MACROD2: variants seen among roughly 807,000 people sequenced by gnomAD.
MACROD2 encodes the protein ADP-ribose glycohydrolase MACROD2.
Under a neutral mutation model 70.4 loss-of-function variants are expected in MACROD2, and 36 were observed. That is an observed-to-expected ratio of 0.51 (90% CI 0.39 to 0.68). The LOEUF is 0.68. Ranked by LOEUF, MACROD2 falls within the 30% of genes least tolerant of loss-of-function variation. The pLI, the probability that MACROD2 is intolerant of heterozygous loss-of-function variation, is 0.00. For missense variants in MACROD2, 496 were observed against 538.4 expected, an observed-to-expected ratio of 0.92 and a Z score of 0.78; for synonymous variants, 172 against 178.8, an observed-to-expected ratio of 0.96 and a Z score of 0.30.
intron 8 of MACROD2, among the ~76,000 whole-genome samples, chr20:15,665,832 A>G (rs2146826022): frequency 6.6e-6 from 1 of 152,318 alleles, no homozygotes; most frequent in East Asian, 1.9e-4. Context: ...GGGTGCCCCA[A>G]GAAACTGACA....
chr20:14,026,860 CTG>C, intron 2 of MACROD2, among the ~76,000 whole-genome samples: 1 of 152,198 alleles, frequency 6.6e-6, no homozygotes. Flanking sequence ...GAAGGGGCGG[CTG>C]TGAGTGCAGC....
intron 5 of MACROD2, among the ~76,000 whole-genome samples, chr20:14,887,280 C>T (rs1199487325): frequency 6.6e-6 from 1 of 151,726 alleles, no homozygotes; most frequent in African/African-American, 2.4e-5. Flanking sequence ...AAATCAAGAG[C>T]GGTATAGTGA....
chr20:14,306,024 C>G (rs1440478625), intron 3 of MACROD2, among the ~76,000 whole-genome samples: 1 of 151,772 alleles, frequency 6.6e-6, no homozygotes, highest in Non-Finnish European at 1.5e-5. Context: ...TCTCTCCCTG[C>G]TAAATCCTCT....
chr20:15,564,772 A>G (rs1266147032), intron 8 of MACROD2, among the ~76,000 whole-genome samples: 2 of 152,126 alleles, frequency 1.3e-5, no homozygotes, highest in African/African-American at 4.8e-5. Context: ...CATTTTGAAC[A>G]TTTTTCCCAT....
chr20:15,388,771 G>C (rs555301169), intron 6 of MACROD2, among the ~76,000 whole-genome samples: 2 of 152,258 alleles, frequency 1.3e-5, no homozygotes, highest in Admixed American at 1.3e-4. Flanking sequence ...GTCATTGCTG[G>C]TTATTAAAAC....
rs1444803703 is a variant in MACROD2, at chr20:15,460,995, TATATATATA to T, written c.571+29561_571+29569del. 4.9e-3 allele frequency among the ~76,000 whole-genome samples: 410 copies of T among 83,558 alleles called. 15 individuals are homozygous for T. Among genetic ancestry groups the T allele is most frequent in the African/African-American group, 0.015 (328 of 21,292 alleles). 54.8% of individuals were successfully genotyped at this position (83,558 alleles called of 152,430 possible). ...CTCTCTCCATATATATATATATATA[TATATATATA>T]TATTTTTTTTTAATAGATGGGGTCT... is the stretch of plus-strand genomic sequence containing the variant. On this transcript the variant is annotated intron_variant, in intron 7 of 17. Coordinates refer to ENST00000684519, the MANE Select transcript of MACROD2 (RefSeq NM_001351661.2).
intron 3 of MACROD2, among the ~76,000 whole-genome samples, chr20:14,408,299 T>G (rs1368644223): frequency 6.6e-6 from 1 of 152,184 alleles, no homozygotes; most frequent in Non-Finnish European, 1.5e-5. Context: ...GATGCAGAAG[T>G]AGAACCAAAG....
chr20:15,953,205 G>T (rs1195923526), intron 12 of MACROD2, among the ~76,000 whole-genome samples: 1 of 152,116 alleles, frequency 6.6e-6, no homozygotes. Flanking sequence ...CTAGAGGCTG[G>T]AAAGGGGAGG....
chr20:14,317,062 G>A (rs1168735668), intron 3 of MACROD2, among the ~76,000 whole-genome samples: 1 of 152,288 alleles, frequency 6.6e-6, no homozygotes, highest in East Asian at 1.9e-4. Context: ...ATCACTGAGT[G>A]TAAGTCACCT....
At chr20:14,836,425 G>A (rs2073030981) in intron 5 of MACROD2, among the ~76,000 whole-genome samples, 1 of 151,968 alleles carries the variant, frequency 6.6e-6, no homozygotes, top group Non-Finnish European at 1.5e-5. Context: ...AGGATGCTGG[G>A]AATGGACCTG....
chr20:15,460,075 A>G (rs2046786670), intron 7 of MACROD2, among the ~76,000 whole-genome samples: 1 of 152,136 alleles, frequency 6.6e-6, no homozygotes, highest in Non-Finnish European at 1.5e-5. Flanking sequence ...TGTTTTGGGT[A>G]ACTACTGGAA....
chr20:14,188,666 C>T (rs893868840), intron 3 of MACROD2, among the ~76,000 whole-genome samples: 1 of 151,974 alleles, frequency 6.6e-6, no homozygotes, highest in Admixed American at 6.6e-5. Context: ...ATTAAGATAC[C>T]GCTGCAAGAT....
intron 5 of MACROD2, among the ~76,000 whole-genome samples, chr20:15,195,999 A>C (rs2876396): frequency 0.14 from 21,690 of 152,200 alleles, 2,364 homozygotes; most frequent in African/African-American, 0.31. Context: ...CAAACACTGC[A>C]TGTTCTCACT....
chr20:15,585,990 T>C (rs184198436), intron 8 of MACROD2, among the ~76,000 whole-genome samples: 325 of 152,276 alleles, frequency 2.1e-3, no homozygotes, highest in African/African-American at 7.3e-3. Context: ...ATCTTTCTGA[T>C]TGGGGAAGGA....
chr20:15,743,936 C>T (rs571827840), intron 8 of MACROD2, among the ~76,000 whole-genome samples: 4 of 152,192 alleles, frequency 2.6e-5, no homozygotes, highest in South Asian at 4.2e-4. Flanking sequence ...AAAGGAATGC[C>T]TGTGTAACTA....
chr20:15,294,350 G>A (rs2077567809), intron 6 of MACROD2, among the ~76,000 whole-genome samples: 1 of 152,058 alleles, frequency 6.6e-6, no homozygotes, highest in Admixed American at 6.5e-5. Flanking sequence ...TGATTCCTGT[G>A]GGCATTCAAA....
chr20:15,436,733 T>C (rs2046432282), intron 7 of MACROD2, among the ~76,000 whole-genome samples: 1 of 151,810 alleles, frequency 6.6e-6, no homozygotes, highest in Non-Finnish European at 1.5e-5. Context: ...TTTTTTTTAT[T>C]AGGGTTTGAC....
intron 8 of MACROD2, among the ~76,000 whole-genome samples, chr20:15,802,296 T>C (rs548672365): frequency 6.6e-6 from 1 of 152,306 alleles, no homozygotes; most frequent in East Asian, 1.9e-4. Context: ...CTTTCAGCTT[T>C]TCCCCCTTCA....
intron 8 of MACROD2, among the ~76,000 whole-genome samples, chr20:15,827,024 T>TA (rs1308277568): frequency 2.6e-5 from 4 of 152,324 alleles, no homozygotes; most frequent in African/African-American, 9.6e-5. Flanking sequence ...CTAATTGCCT[T>TA]AAAAATGGTA....
Sources: gnomAD v4.1 joint callset for allele counts (sites outside exome capture counted in the v4.1 genomes callset) on GRCh38, gnomAD v4.1.1 for gene constraint, MANE v1.5 for transcripts, NCBI Gene and HGNC (gene_info 2026-07-23, HGNC 2026-07-21) for gene names.